DTNB: variants seen among roughly 807,000 people sequenced by gnomAD.
DTNB encodes the protein DTN-B.
A neutral mutation model predicts 90.7 loss-of-function variants in DTNB; 63 were observed. That is an observed-to-expected ratio of 0.69 (90% CI 0.57 to 0.86). DTNB has a LOEUF of 0.86. Among genes scored for constraint, DTNB ranks in the 40% least tolerant of loss-of-function variants. The probability of loss-of-function intolerance (pLI) is 0.00; values close to 1 mark genes in which losing one functional copy is unlikely to be tolerated. For synonymous variants in DTNB, 277 were observed against 286.7 expected (o/e 0.97, Z 0.34); for missense variants, 744 against 807.1 (o/e 0.92, Z 0.95).
At chr2:25,519,612 G>T (rs943854368) in intron 9 of DTNB, among the ~76,000 whole-genome samples, 1 of 152,008 alleles carries the variant, frequency 6.6e-6, no homozygotes, top group African/African-American at 2.4e-5. Context: ...TTGACCATGC[G>T]AATTCCAAAA....
At position 25,407,842 on chromosome 2, in the gene DTNB, G is replaced by A. The variant is rs373559950; in HGVS notation, c.1575+11673C>T. ...GTGCAATGTACACTAGTTGGGTGAC[G>A]GGTGCACCAAAATGTCAGAATTCAC... On this transcript the variant is annotated intron_variant, in intron 16 of 20. Coordinates refer to ENST00000406818, the MANE Select transcript of DTNB (RefSeq NM_021907.5). 3.3e-4 allele frequency among the ~76,000 whole-genome samples: 51 copies of A among 152,264 alleles called. No individual in the cohort carries two copies. The South Asian group carries it at 9.9e-3, about 30-fold the overall frequency.
intron 8 of DTNB, among the ~76,000 whole-genome samples, chr2:25,575,010 A>G (rs940865502): frequency 4.6e-5 from 7 of 152,210 alleles, no homozygotes; most frequent in South Asian, 4.1e-4. Context: ...ATCATAAAGC[A>G]GTATCAGTCA....
chr2:25,589,530 G>A (rs1489420498), intron 6 of DTNB, among the ~76,000 whole-genome samples: 2 of 151,412 alleles, frequency 1.3e-5, no homozygotes, highest in Non-Finnish European at 1.5e-5. Context: ...ACAGGCGCCC[G>A]CCACCACGCC....
In DTNB at chr2:25,654,115, G is replaced by T. The variant is rs551548915; in HGVS notation, c.-1-1454C>A. ...AAAAAAGACAAATTACTTAATCAAGGCTACAGGGACTGATAAGCAGCAGGG... is the reference window on the plus strand; with the variant it reads ...AAAAAAGACAAATTACTTAATCAAGTCTACAGGGACTGATAAGCAGCAGGG... On this transcript the variant is annotated intron_variant, in intron 1 of 20. Coordinates refer to ENST00000406818, the MANE Select transcript of DTNB (RefSeq NM_021907.5). Among the ~76,000 whole-genome samples, 4 of 152,230 alleles carry T rather than the reference G, an allele frequency of 2.6e-5. No homozygotes were observed. The South Asian group carries it at 6.2e-4, about 24-fold the overall frequency.
intron 14 of DTNB, among the ~76,000 whole-genome samples, chr2:25,432,243 A>ACACC (rs1491297106): frequency 7.9e-5 from 11 of 139,670 alleles, no homozygotes; most frequent in African/African-American, 1.9e-4. Context: ...ACACACACAC[A>ACACC]CCCCTTTCTA....
intron 10 of DTNB, among the ~76,000 whole-genome samples, chr2:25,480,848 TAAA>T (rs1293038731): frequency 1.3e-5 from 2 of 152,172 alleles, no homozygotes. Context: ...CTATGGGTGT[TAAA>T]CATAAAAAAC....
At chr2:25,588,401 C>A (rs937461647) in intron 6 of DTNB, among the ~76,000 whole-genome samples, 2 of 151,004 alleles carry the variant, frequency 1.3e-5, no homozygotes, top group African/African-American at 4.9e-5. Context: ...GAGTCTCCCT[C>A]TATTGCCAGG....
At position 25,472,238 on chromosome 2, in the gene DTNB, A is replaced by T. The variant is rs555192276; in HGVS notation, c.1079+10558T>A. On this transcript the variant is annotated intron_variant, in intron 10 of 20. Transcript: ENST00000406818. ...CAGACGCTGCGGCTCACAGAAGATC[A>T]CATAATATAGTTTTAGGGTGTTACG... Among the ~76,000 whole-genome samples the T allele has an allele frequency of 5.3e-5, 8 of 152,350 alleles. No homozygotes were observed. In the South Asian group the frequency reaches 1.7e-3, roughly 32 times the overall value.
chr2:25,486,175 C>A (rs1428890084), intron 9 of DTNB, among the ~76,000 whole-genome samples: 2 of 151,666 alleles, frequency 1.3e-5, no homozygotes, highest in Non-Finnish European at 2.9e-5. Context: ...AAAAGATTAG[C>A]CTGCTGGCTG....
chr2:25,576,706 T>A lies in DTNB; in HGVS notation c.876+132A>T, dbSNP rs915527504. The A allele has an allele frequency of 3.5e-6, 4 of 1,145,604 alleles. No individual in the cohort carries two copies. In the African/African-American group the frequency reaches 6.4e-5, roughly 18 times the overall value. The allele number at this position is 1,145,604 out of a possible 1,614,324, so 71.0% of individuals were successfully genotyped here. ...GCACAACATTTTTGCAATCCTGGCA[T>A]AAATGTTAGTGTTAAGATTTTACTA... On this transcript the variant is annotated intron_variant, in intron 8 of 20. Transcript: ENST00000406818.
chr2:25,380,421 T>G (rs1316982713), intron 19 of DTNB, among the ~76,000 whole-genome samples: 1 of 152,162 alleles, frequency 6.6e-6, no homozygotes, highest in East Asian at 1.9e-4. Flanking sequence ...CAGGGACATA[T>G]CCTAGAACCT....
intron 16 of DTNB, among the ~76,000 whole-genome samples, chr2:25,391,220 C>T (rs1256840178): frequency 2.0e-5 from 3 of 151,966 alleles, no homozygotes; most frequent in African/African-American, 7.3e-5. Flanking sequence ...TTAGATATGA[C>T]ATCAAAAGCC....
At chr2:25,541,602 A>G (rs1180266554) in intron 8 of DTNB, among the ~76,000 whole-genome samples, 1 of 152,210 alleles carries the variant, frequency 6.6e-6, no homozygotes, top group Non-Finnish European at 1.5e-5. Flanking sequence ...TTCATCTCAT[A>G]GAGCCGGAAG....
intron 8 of DTNB, among the ~76,000 whole-genome samples, chr2:25,570,851 T>C (rs1027299871): frequency 2.0e-5 from 3 of 152,362 alleles, no homozygotes; most frequent in East Asian, 3.9e-4. Context: ...CCCAGTCTCA[T>C]GGCTATTTTA....
intron 8 of DTNB, among the ~76,000 whole-genome samples, chr2:25,543,379 C>T (rs1047401767): frequency 6.6e-6 from 1 of 151,870 alleles, no homozygotes; most frequent in Non-Finnish European, 1.5e-5. Context: ...GATCTCGACT[C>T]ACTGCAACCT....
rs536791826 is a variant in DTNB at position 25,469,054 on chromosome 2, T to TCC, written c.1080-13562_1080-13561dup. On this transcript the variant is annotated intron_variant, in intron 10 of 20. Coordinates refer to ENST00000406818, the MANE Select transcript of DTNB (RefSeq NM_021907.5). ...ACGGTGATAAACAAATGTAGCTCCA[T>TCC]CCTTGTGAAGTGCCCAGCCTTGAGA... Among the ~76,000 whole-genome samples, 21 of 152,312 alleles carry TCC rather than the reference T, an allele frequency of 1.4e-4. No homozygotes were observed. The South Asian group carries it at 3.9e-3, about 29-fold the overall frequency.
At chr2:25,383,747 G>A in intron 19 of DTNB, 89 bp downstream of exon 19, 1 of 1,612,146 alleles carries the variant, frequency 6.2e-7, no homozygotes, top group Non-Finnish European at 8.5e-7. Context: ...GGTGGTGGCA[G>A]GGAGGAATGC....
intron 3 of DTNB, among the ~76,000 whole-genome samples, chr2:25,634,112 C>G (rs1205321273): frequency 1.4e-4 from 17 of 117,356 alleles, no homozygotes; most frequent in East Asian, 5.2e-4. Context: ...GGGAGGTGGG[C>G]GAGTCAGCCC....
intron 16 of DTNB, among the ~76,000 whole-genome samples, chr2:25,397,478 C>A (rs1401911793): frequency 6.6e-6 from 1 of 152,060 alleles, no homozygotes; most frequent in Non-Finnish European, 1.5e-5. Context: ...GCACAGGAAG[C>A]AGGATAAGAA....
Sources: gnomAD v4.1 joint callset for allele counts (sites outside exome capture counted in the v4.1 genomes callset) on GRCh38, gnomAD v4.1.1 for gene constraint, MANE v1.5 for transcripts, NCBI Gene and HGNC (gene_info 2026-07-23, HGNC 2026-07-21) for gene names.